The following GNA14 variants were observed in gnomAD, a reference collection of about 807,000 sequenced individuals.
GNA14 encodes the protein guanine nucleotide-binding protein subunit alpha-14.
GNA14 carries 50 observed loss-of-function variants against 42.0 expected under a neutral mutation model. The ratio of observed to expected loss-of-function variants is 1.19; its 90% confidence interval spans 0.95 to 1.51. GNA14 has a LOEUF of 1.51. Ranked by LOEUF, GNA14 falls within the 40% of genes most tolerant of loss-of-function variation. The pLI, the probability that GNA14 is intolerant of heterozygous loss-of-function variation, is 0.00. For synonymous variants in GNA14, 173 were observed against 163.1 expected (o/e 1.06, Z -0.46); for missense variants, 473 against 446.2 (o/e 1.06, Z -0.54).
intron 2 of GNA14, among the ~76,000 whole-genome samples, chr9:77,493,026 A>AAAAAAATATATATAT (rs1554691641): frequency 1.9e-5 from 1 of 51,712 alleles, no homozygotes; most frequent in Admixed American, 1.9e-4. Flanking sequence ...AAAAAAAAAA[A>AAAAAAATATATATAT]ATATATATAT....
At chr9:77,438,567 C>T (rs569836742) in intron 2 of GNA14, among the ~76,000 whole-genome samples, 291 of 151,882 alleles carry the variant, frequency 1.9e-3, no homozygotes, top group Middle Eastern at 3.4e-3. Flanking sequence ...CACGCCTAGC[C>T]GATTTTTTTT....
At chr9:77,521,617 C>CT (rs902296999) in intron 2 of GNA14, among the ~76,000 whole-genome samples, 7 of 151,944 alleles carry the variant, frequency 4.6e-5, no homozygotes, top group Non-Finnish European at 1.0e-4. Context: ...AATGTGAGAC[C>CT]TTATCGAAGG....
At chr9:77,586,049 C>T (rs1290604559) in intron 1 of GNA14, among the ~76,000 whole-genome samples, 1 of 151,972 alleles carries the variant, frequency 6.6e-6, no homozygotes, top group Non-Finnish European at 1.5e-5. Context: ...CCTGAGTGTT[C>T]GCCAAACACT....
intron 1 of GNA14, among the ~76,000 whole-genome samples, chr9:77,576,042 G>T (rs1823123624): frequency 6.6e-6 from 1 of 152,168 alleles, no homozygotes; most frequent in Non-Finnish European, 1.5e-5. Context: ...ACCATGGTGA[G>T]CATTTATTAT....
chr9:77,502,164 G>A (rs1308158460), intron 2 of GNA14, among the ~76,000 whole-genome samples: 1 of 151,856 alleles, frequency 6.6e-6, no homozygotes, highest in African/African-American at 2.4e-5. Flanking sequence ...TTATTTCTTT[G>A]TTGAGACTAT....
chr9:77,632,979 A>C (rs1180740494), intron 1 of GNA14, among the ~76,000 whole-genome samples: 1 of 152,194 alleles, frequency 6.6e-6, no homozygotes, highest in African/African-American at 2.4e-5. Flanking sequence ...AGAGGTTTCC[A>C]GACAGAAAAA....
In GNA14 at chr9:77,434,461, T is replaced by TA; in HGVS notation, c.370_371insT (p.Gln124LeufsTer36). The TA allele has an allele frequency of 6.2e-7, 1 of 1,613,228 alleles. No homozygotes were observed. Among genetic ancestry groups the TA allele is most frequent in the South Asian group, 1.1e-5 (1 of 91,068 alleles). ...CCAGAGCTGCTTGATGGCCTCCACC[T>TA]GCTCCCTGGAGAGCATGGAGACCTT... On this transcript the variant is annotated frameshift_variant, in exon 3 of 7. Coordinates refer to ENST00000341700, the MANE Select transcript of GNA14 (RefSeq NM_004297.4). LOFTEE classifies it high-confidence loss of function.
chr9:77,437,352 A>G (rs1349104439), intron 2 of GNA14, among the ~76,000 whole-genome samples: 1 of 152,174 alleles, frequency 6.6e-6, no homozygotes, highest in Non-Finnish European at 1.5e-5. Context: ...TAAGACCAGC[A>G]TGTCCAACAT....
At chr9:77,478,968 T>A (rs1300445781) in intron 2 of GNA14, among the ~76,000 whole-genome samples, 3 of 152,206 alleles carry the variant, frequency 2.0e-5, no homozygotes, top group Non-Finnish European at 4.4e-5. Flanking sequence ...TTTCTCCCAT[T>A]CTGTAGGTTG....
chr9:77,630,707 CT>C (rs1295520659), intron 1 of GNA14, among the ~76,000 whole-genome samples: 7 of 151,690 alleles, frequency 4.6e-5, no homozygotes, highest in African/African-American at 1.7e-4. Context: ...CTTAGAAAAA[CT>C]AGTTTTTTTT....
chr9:77,579,339 G>A (rs573552623), intron 1 of GNA14, among the ~76,000 whole-genome samples: 27 of 152,274 alleles, frequency 1.8e-4, no homozygotes, highest in South Asian at 8.3e-4. Flanking sequence ...TCTGCAGGGC[G>A]CGTATGTGTA....
At chr9:77,578,014 T>A (rs1285278466) in intron 1 of GNA14, among the ~76,000 whole-genome samples, 1 of 152,096 alleles carries the variant, frequency 6.6e-6, no homozygotes, top group Non-Finnish European at 1.5e-5. Context: ...ATGCCTGTAA[T>A]ACTAGCACCT....
At chr9:77,506,317 T>G (rs1837068199) in intron 2 of GNA14, among the ~76,000 whole-genome samples, 1 of 151,454 alleles carries the variant, frequency 6.6e-6, no homozygotes, top group Non-Finnish European at 1.5e-5. Context: ...AGAAACTAAT[T>G]TTAATAAAAT....
intron 2 of GNA14, among the ~76,000 whole-genome samples, chr9:77,435,050 TAAAAAAAAA>T (rs3052358): frequency 7.5e-5 from 9 of 119,278 alleles, no homozygotes; most frequent in African/African-American, 2.5e-4. Context: ...TTCTTTCATT[TAAAAAAAAA>T]AAAAAAAAAA....
At chr9:77,498,138 C>G (rs558976381) in intron 2 of GNA14, among the ~76,000 whole-genome samples, 1 of 152,204 alleles carries the variant, frequency 6.6e-6, no homozygotes, top group East Asian at 1.9e-4. Context: ...CTTTGGGAAG[C>G]CAAGGTGGGT....
intron 2 of GNA14, among the ~76,000 whole-genome samples, chr9:77,510,073 T>C (rs1033357896): frequency 1.3e-5 from 2 of 152,334 alleles, no homozygotes; most frequent in South Asian, 2.1e-4. Flanking sequence ...TAGAGCATTT[T>C]CAATCATCCT....
At chr9:77,482,638 C>T (rs2131729784) in intron 2 of GNA14, among the ~76,000 whole-genome samples, 1 of 152,262 alleles carries the variant, frequency 6.6e-6, no homozygotes, top group East Asian at 1.9e-4. Flanking sequence ...TGGATAATAT[C>T]CTGCAGAGTG....
Position 77,522,003 on chromosome 9 carries a change from T to A in GNA14, c.309+7066A>T, listed in dbSNP as rs759057005. Among the ~76,000 whole-genome samples, 5 of 152,164 alleles carry A rather than the reference T, an allele frequency of 3.3e-5. No homozygotes were observed. The South Asian group carries it at 6.2e-4, about 19-fold the overall frequency. On this transcript the variant is annotated intron_variant, in intron 2 of 6. Transcript: ENST00000341700. ...ATGCGCCACCACGCCCGGCTAATTT[T>A]TATATATATTTTTAATAGAGACAGG... is the stretch of plus-strand genomic sequence containing the variant.
rs1564009223 is a variant in GNA14 at position 77,423,334 on chromosome 9, CTA to C, written c.*643_*644del. The stretch of plus-strand genomic sequence containing the variant: ...ATATGCTATCTAGAGCCCATTTACT[CTA>C]TGTCAGCTTTGGCTTCTTGGTGATC... On this transcript the variant is annotated 3_prime_UTR_variant, in exon 7 of 7. Coordinates refer to ENST00000341700, the MANE Select transcript of GNA14 (RefSeq NM_004297.4). 2 of 152,208 alleles carry C rather than the reference CTA, an allele frequency of 1.3e-5. No homozygotes were observed. Among genetic ancestry groups the C allele is most frequent in the East Asian group, 1.9e-4 (1 of 5,180 alleles). 9.4% of individuals were successfully genotyped at this position (152,208 alleles called of 1,614,324 possible). A position where few individuals can be genotyped will look rare whatever the true frequency, so the allele number is the denominator to read the frequency against.
Sources: allele counts gnomAD v4.1 joint callset (sites outside exome capture counted in the v4.1 genomes callset), GRCh38; gene constraint gnomAD v4.1.1; transcripts MANE v1.5; gene names NCBI Gene and HGNC (gene_info 2026-07-23, HGNC 2026-07-21).